Variants in PDE10A observed in about 807,000 individuals in gnomAD.
The protein encoded by PDE10A is cAMP and cAMP-inhibited cGMP 3',5'-cyclic phosphodiesterase 10A.
Under a neutral mutation model 97.7 loss-of-function variants are expected in PDE10A, and 39 were observed. That is an observed-to-expected ratio of 0.40 (90% confidence interval 0.31 to 0.52). The LOEUF is 0.52. PDE10A is among the 20% of genes least tolerant of loss of function. The pLI is 0.56. For synonymous variants in PDE10A, 371 were observed against 376.8 expected, an observed-to-expected ratio of 0.98 and a Z score of 0.18; for missense variants, 731 against 1,047.8, an observed-to-expected ratio of 0.70 and a Z score of 4.17.
At chr6:165,901,030 C>T (rs1235295426) in intron 1 of PDE10A, among the ~76,000 whole-genome samples, 1 of 152,146 alleles carries the variant, frequency 6.6e-6, no homozygotes, top group Non-Finnish European at 1.5e-5. Flanking sequence ...GCCCAGGCTG[C>T]GTGGGATGAA....
chr6:165,844,076 C>T (rs1780337796), intron 1 of PDE10A, among the ~76,000 whole-genome samples: 1 of 152,142 alleles, frequency 6.6e-6, no homozygotes, highest in African/African-American at 2.4e-5. Context: ...GGGTACCTCG[C>T]AGGTGAGATG....
chr6:165,354,653 C>A (rs1055667769), intron 18 of PDE10A, among the ~76,000 whole-genome samples: 1 of 152,130 alleles, frequency 6.6e-6, no homozygotes, highest in Non-Finnish European at 1.5e-5. Flanking sequence ...ATAGATGGTG[C>A]CACCTAGGGA....
At chr6:165,433,781 C>T (rs995300055) in intron 6 of PDE10A, among the ~76,000 whole-genome samples, 13 of 151,644 alleles carry the variant, frequency 8.6e-5, no homozygotes, top group African/African-American at 2.7e-4. Context: ...TTTGGGAGGC[C>T]GAGGTGGGCG....
intron 1 of PDE10A, among the ~76,000 whole-genome samples, chr6:165,875,011 T>C (rs977130205): frequency 6.6e-6 from 1 of 152,262 alleles, no homozygotes; most frequent in South Asian, 2.1e-4. Context: ...GAAAAACATA[T>C]ATATTTGAAG....
At chr6:165,755,553 C>T (rs971614858) in intron 1 of PDE10A, among the ~76,000 whole-genome samples, 7 of 152,104 alleles carry the variant, frequency 4.6e-5, no homozygotes, top group African/African-American at 7.2e-5. Flanking sequence ...ATCAAATAAG[C>T]GTCAAAGCTG....
At chr6:165,539,641 G>T (rs1180439695) in intron 2 of PDE10A, among the ~76,000 whole-genome samples, 1 of 152,184 alleles carries the variant, frequency 6.6e-6, no homozygotes, top group Non-Finnish European at 1.5e-5. Flanking sequence ...ATATGTATCG[G>T]CTGGGAGCAG....
intron 1 of PDE10A, among the ~76,000 whole-genome samples, chr6:165,942,097 C>T (rs570863996): frequency 4.1e-4 from 63 of 152,210 alleles, no homozygotes; most frequent in African/African-American, 1.4e-3. Context: ...AACTTCAAAA[C>T]GTGCACATTT....
chr6:165,552,574 C>T, intron 1 of PDE10A, among the ~76,000 whole-genome samples: 1 of 152,218 alleles, frequency 6.6e-6, no homozygotes, highest in Non-Finnish European at 1.5e-5. Context: ...CTCTAACATG[C>T]TTCCCTGGTA....
intron 1 of PDE10A, among the ~76,000 whole-genome samples, chr6:165,609,709 C>A (rs1204154970): frequency 3.9e-5 from 6 of 152,122 alleles, no homozygotes; most frequent in African/African-American, 1.4e-4. Flanking sequence ...TCTTATACAC[C>A]AATAACAGAC....
At chr6:165,351,239 A>G (rs1782675397) in intron 18 of PDE10A, among the ~76,000 whole-genome samples, 1 of 152,150 alleles carries the variant, frequency 6.6e-6, no homozygotes, top group Non-Finnish European at 1.5e-5. Context: ...GTCTTTAATC[A>G]CAGTTGTGGT....
At chr6:165,528,081 C>T (rs887618162) in intron 2 of PDE10A, among the ~76,000 whole-genome samples, 2 of 152,168 alleles carry the variant, frequency 1.3e-5, no homozygotes, top group Non-Finnish European at 2.9e-5. Context: ...TGATTATATA[C>T]GGATTCATGG....
chr6:165,430,777 CCTT>C (rs1252405808), intron 8 of PDE10A, among the ~76,000 whole-genome samples: 2 of 152,118 alleles, frequency 1.3e-5, no homozygotes, highest in African/African-American at 4.8e-5. Flanking sequence ...CCTTTCTACT[CCTT>C]CTATTATCCT....
chr6:165,385,276 C>A (rs1286952358), intron 17 of PDE10A, among the ~76,000 whole-genome samples: 1 of 151,954 alleles, frequency 6.6e-6, no homozygotes, highest in African/African-American at 2.4e-5. Context: ...GAGATTGCCA[C>A]CACAGAGATA....
intron 1 of PDE10A, among the ~76,000 whole-genome samples, chr6:165,691,583 A>ACGCG (rs370669081): frequency 9.7e-5 from 14 of 144,678 alleles, no homozygotes; most frequent in East Asian, 4.4e-4. Flanking sequence ...GCACGCATGC[A>ACGCG]CGCGCGCGCA....
intron 1 of PDE10A, among the ~76,000 whole-genome samples, chr6:165,809,397 G>C (rs1298994461): frequency 6.6e-6 from 1 of 152,144 alleles, no homozygotes; most frequent in Non-Finnish European, 1.5e-5. Flanking sequence ...GCTCTTCCTT[G>C]CTGGGCTTTG....
At chr6:165,765,864 AAAAGTTTAGATGTAGGC>A (rs141787518) in intron 1 of PDE10A, among the ~76,000 whole-genome samples, 15,682 of 152,264 alleles carry the variant, frequency 0.1, 989 homozygotes, top group South Asian at 0.19. Flanking sequence ...GAAGATCTAC[AAAAGTTTAGATGTAGGC>A]TTTGTCATAT....
chr6:165,340,135 T>C (rs1781891260), intron 19 of PDE10A, among the ~76,000 whole-genome samples: 1 of 152,246 alleles, frequency 6.6e-6, no homozygotes, highest in Admixed American at 6.5e-5. Flanking sequence ...AAATATTATT[T>C]CATTTAATCC....
At chr6:165,764,847 C>G (rs556152171) in intron 1 of PDE10A, among the ~76,000 whole-genome samples, 3 of 152,162 alleles carry the variant, frequency 2.0e-5, no homozygotes, top group Non-Finnish European at 2.9e-5. Flanking sequence ...ACTGCTGGCT[C>G]GGGCAGCCTG....
At chr6:165,969,666 A>G (rs1005651267) in intron 1 of PDE10A, among the ~76,000 whole-genome samples, 6 of 152,208 alleles carry the variant, frequency 3.9e-5, no homozygotes, top group African/African-American at 1.4e-4. Flanking sequence ...ATGTATTTGT[A>G]TATGTATACA....
Sources: allele counts gnomAD v4.1 joint callset (sites outside exome capture counted in the v4.1 genomes callset), GRCh38; gene constraint gnomAD v4.1.1; transcripts MANE v1.5; gene names NCBI Gene and HGNC (gene_info 2026-07-23, HGNC 2026-07-21).